Variants in RFX7 observed in about 807,000 individuals in gnomAD.
RFX7 encodes the protein regulatory factor X7, also known as DNA-binding protein RFX7.
RFX7 carries 26 observed loss-of-function variants against 111.8 expected under a neutral mutation model. The ratio of observed to expected loss-of-function variants is 0.23; its 90% CI spans 0.17 to 0.32. The LOEUF (loss-of-function observed/expected upper bound fraction) is 0.32. RFX7 is among the 10% of genes least tolerant of loss of function. The pLI is 1.00. For synonymous variants in RFX7, 624 were observed against 624.4 expected (o/e 1.00, Z 0.01); for missense variants, 1,573 against 1,772.9 (o/e 0.89, Z 2.02).
Position 56,119,733 on chromosome 15 carries a change from C to T in RFX7, c.402-16063G>A, listed in dbSNP as rs532024632. On this transcript the variant is annotated intron_variant, in intron 5 of 9. Transcript: ENST00000559447. Reference sequence around the variant, plus strand: ...CGGAGGCTGCAATGAGCTGAGATCGCGCCATTGGACTCCAGCCTGGGTGAC... The same window carrying T: ...CGGAGGCTGCAATGAGCTGAGATCGTGCCATTGGACTCCAGCCTGGGTGAC... 1.2e-3 allele frequency among the ~76,000 whole-genome samples: 176 copies of T among 148,504 alleles called. 1 individual carries two copies. Among genetic ancestry groups the T allele is most frequent in the African/African-American group, 3.7e-3 (150 of 40,062 alleles).
Position 56,096,309 on chromosome 15 carries a change from C to T in RFX7, c.1419G>A (p.Val473=). 2.5e-6 allele frequency: 4 copies of T among 1,613,940 alleles called. No homozygotes were observed. Among genetic ancestry groups the T allele is most frequent in the Non-Finnish European group, 3.4e-6 (4 of 1,179,870 alleles). Residue 473 remains valine, a synonymous_variant, in exon 10 of 10, where the codon GTG becomes GTA. Transcript: ENST00000559447. ...PASHMSSLNV[V]KMTTISLTPS... ...GTGTGAGGGATATTGTTGTCATTTT[C>T]ACCACATTTAGAGAACTCATGTGTG... is the stretch of plus-strand genomic sequence containing the variant.
At chr15:56,122,919 A>G (rs1257248978) in intron 5 of RFX7, among the ~76,000 whole-genome samples, 2 of 152,026 alleles carry the variant, frequency 1.3e-5, no homozygotes, top group East Asian at 3.9e-4. Context: ...CTCACCCTTC[A>G]GATGGTATTT....
At chr15:56,219,850 T>C (rs1424254068) in intron 2 of RFX7, among the ~76,000 whole-genome samples, 3 of 152,222 alleles carry the variant, frequency 2.0e-5, no homozygotes, top group African/African-American at 7.2e-5. Flanking sequence ...GTCTTTAGGG[T>C]AGAATGATTT....
chr15:56,237,110 T>G (rs1242619492), intron 2 of RFX7, among the ~76,000 whole-genome samples: 3 of 152,198 alleles, frequency 2.0e-5, no homozygotes, highest in African/African-American at 7.2e-5. Context: ...TTGGTTTTAT[T>G]ATTGTTGTCA....
intron 2 of RFX7, among the ~76,000 whole-genome samples, chr15:56,196,417 G>T (rs914317698): frequency 2.9e-4 from 44 of 151,578 alleles, no homozygotes; most frequent in African/African-American, 9.5e-4. Flanking sequence ...TACTTCACAG[G>T]CATGAAGTTC....
intron 5 of RFX7, among the ~76,000 whole-genome samples, chr15:56,139,148 T>C (rs1232664050): frequency 6.6e-6 from 1 of 151,988 alleles, no homozygotes; most frequent in African/African-American, 2.4e-5. Flanking sequence ...ATTTCCTGAA[T>C]CTGAATGTTG....
At chr15:56,186,173 C>G (rs1301283198) in intron 2 of RFX7, among the ~76,000 whole-genome samples, 1 of 152,160 alleles carries the variant, frequency 6.6e-6, no homozygotes, top group Admixed American at 6.5e-5. Context: ...CCTGAAACTT[C>G]CTGGGTCTGT....
intron 2 of RFX7, among the ~76,000 whole-genome samples, chr15:56,197,261 T>C: frequency 6.6e-6 from 1 of 152,190 alleles, no homozygotes; most frequent in Non-Finnish European, 1.5e-5. Flanking sequence ...TTTTATACTT[T>C]AGATACTAAT....
intron 3 of RFX7, among the ~76,000 whole-genome samples, chr15:56,157,508 A>C (rs1432430505): frequency 6.6e-6 from 1 of 152,220 alleles, no homozygotes; most frequent in Non-Finnish European, 1.5e-5. Context: ...TACAGATGAA[A>C]AAGAATGCCA....
At chr15:56,155,667 G>A (rs1267671815) in intron 3 of RFX7, among the ~76,000 whole-genome samples, 1 of 152,124 alleles carries the variant, frequency 6.6e-6, no homozygotes, top group African/African-American at 2.4e-5. Context: ...TAATGTAGGT[G>A]ACGGGTTGAT....
At chr15:56,219,369 AT>A (rs1162942998) in intron 2 of RFX7, among the ~76,000 whole-genome samples, 3 of 152,056 alleles carry the variant, frequency 2.0e-5, no homozygotes, top group African/African-American at 7.2e-5. Flanking sequence ...TATTGTAAAT[AT>A]TTTTTTAACT....
At chr15:56,239,634 C>T (rs2043664423) in intron 2 of RFX7, among the ~76,000 whole-genome samples, 2 of 152,058 alleles carry the variant, frequency 1.3e-5, no homozygotes, top group Non-Finnish European at 2.9e-5. Flanking sequence ...TCACTTGTGG[C>T]ACTAAAAACG....
chr15:56,165,729 G>A (rs546791501), intron 3 of RFX7, among the ~76,000 whole-genome samples: 3 of 152,108 alleles, frequency 2.0e-5, no homozygotes, highest in Non-Finnish European at 4.4e-5. Context: ...TAGGCTACCT[G>A]CATTTTTTAA....
intron 3 of RFX7, among the ~76,000 whole-genome samples, chr15:56,174,573 CCT>C (rs1484735633): frequency 6.6e-6 from 1 of 151,888 alleles, no homozygotes; most frequent in African/African-American, 2.4e-5. Context: ...ATGGTGAAAC[CCT>C]GTCTCTACTA....
intron 3 of RFX7, among the ~76,000 whole-genome samples, chr15:56,178,415 C>T (rs2042927663): frequency 6.6e-6 from 1 of 152,050 alleles, no homozygotes; most frequent in African/African-American, 2.4e-5. Flanking sequence ...CAGCACCAGA[C>T]ACTGTAACAG....
At chr15:56,171,898 G>A (rs945299885) in intron 3 of RFX7, among the ~76,000 whole-genome samples, 2 of 152,068 alleles carry the variant, frequency 1.3e-5, no homozygotes, top group African/African-American at 2.4e-5. Flanking sequence ...AGGAGTCATT[G>A]GTATAATGAG....
chr15:56,110,030 G>C (rs1254442807), intron 5 of RFX7, among the ~76,000 whole-genome samples: 1 of 126,260 alleles, frequency 7.9e-6, no homozygotes, highest in Non-Finnish European at 1.7e-5. Flanking sequence ...CTGCCCGGCC[G>C]CCCCTACTGG....
intron 5 of RFX7, among the ~76,000 whole-genome samples, chr15:56,105,072 G>C (rs1342344211): frequency 6.6e-6 from 1 of 152,090 alleles, no homozygotes; most frequent in Admixed American, 6.5e-5. Context: ...GTTCTTTATG[G>C]TTCAAACCGG....
At chr15:56,217,307 C>CA (rs1464369549) in intron 2 of RFX7, among the ~76,000 whole-genome samples, 2 of 152,144 alleles carry the variant, frequency 1.3e-5, no homozygotes, top group East Asian at 3.8e-4. Flanking sequence ...CACAATATAT[C>CA]ATGCAGTCCA....
Sources: gnomAD v4.1 joint callset for allele counts (sites outside exome capture counted in the v4.1 genomes callset) on GRCh38, gnomAD v4.1.1 for gene constraint, MANE v1.5 for transcripts, NCBI Gene and HGNC (gene_info 2026-07-23, HGNC 2026-07-21) for gene names.